The following UBE4B variants were observed in gnomAD, a reference collection of about 807,000 sequenced individuals.
The protein encoded by UBE4B is ubiquitin conjugation factor E4 B.
Under a neutral mutation model 148.1 loss-of-function variants are expected in UBE4B, and 27 were observed. That is an observed-to-expected ratio of 0.18 (90% CI 0.13 to 0.25). The LOEUF is 0.25. Among genes scored for constraint, UBE4B ranks in the 10% least tolerant of loss-of-function variants. The pLI is 1.00. For synonymous variants in UBE4B, 596 were observed against 619.3 expected (o/e 0.96, Z 0.56); for missense variants, 1,170 against 1,662.4 (o/e 0.70, Z 5.15).
At chr1:10,122,810 A>C (rs1022394260) in intron 10 of UBE4B, among the ~76,000 whole-genome samples, 2 of 152,156 alleles carry the variant, frequency 1.3e-5, no homozygotes, top group African/African-American at 4.8e-5. Flanking sequence ...CTGTATCATC[A>C]CTTCCTTTTT....
chr1:10,099,082 T>C (rs1389816509), intron 3 of UBE4B, among the ~76,000 whole-genome samples: 2 of 151,680 alleles, frequency 1.3e-5, no homozygotes, highest in East Asian at 3.9e-4. Flanking sequence ...CCACTAAAAA[T>C]ACAAAAAAAA....
chr1:10,136,631 A>T (rs1280933030), intron 16 of UBE4B, among the ~76,000 whole-genome samples: 1 of 152,068 alleles, frequency 6.6e-6, no homozygotes, highest in Non-Finnish European at 1.5e-5. Flanking sequence ...AGTATCCTTA[A>T]ACTTCTGGCG....
At chr1:10,105,788 CTG>C (rs1269909655) in intron 6 of UBE4B, 44 bp downstream of exon 6, 8 of 1,563,672 alleles carry the variant, frequency 5.1e-6, no homozygotes, top group African/African-American at 4.1e-5. Context: ...AGTAAAATAA[CTG>C]TGAACTACGT....
chr1:10,106,543 G>A lies in UBE4B; in HGVS notation c.1156G>A (p.Ala386Thr). 7 of 1,594,224 alleles carry A rather than the reference G, an allele frequency of 4.4e-6. No homozygotes were observed. The highest frequency in any genetic ancestry group is 6.0e-6 in the Non-Finnish European group (7 of 1,173,906). ...GPPLPPASPS[A>T]TSRRPSSLRI... is the part of the protein sequence containing the mutation. ...ACCCCTACCACCCGCCTCACCCAGT[G>A]CCACGAGCAGACGCCCCTCCTCCCT... The change falls in exon 7 of 28, where the codon GCC (alanine) becomes ACC (threonine). Residue 386 changes from alanine to threonine, a missense_variant. Physicochemically the swap from Ala to Thr is moderately conservative, Grantham distance 58. Around this residue, in one of 6 missense-constraint regions of UBE4B, gnomAD observed 214 missense variants for 209.1 expected, o/e 1.02. Transcript: ENST00000343090. The surrounding 1 kb of genome is among the most constrained non-coding windows in gnomAD (Gnocchi z 4.2).
chr1:10,117,152 G>T (rs1434216844), intron 7 of UBE4B, among the ~76,000 whole-genome samples: 1 of 152,132 alleles, frequency 6.6e-6, no homozygotes, highest in Non-Finnish European at 1.5e-5. Flanking sequence ...ATTCTTTTTG[G>T]TTAAAGTACC....
chr1:10,133,479 TA>T (rs1645629581), intron 15 of UBE4B, among the ~76,000 whole-genome samples: 1 of 152,214 alleles, frequency 6.6e-6, no homozygotes, highest in South Asian at 2.1e-4. Context: ...GTTGTATTAT[TA>T]TTTTTTTCTT....
intron 14 of UBE4B, among the ~76,000 whole-genome samples, chr1:10,131,726 G>T (rs1205232890): frequency 6.6e-6 from 1 of 152,098 alleles, no homozygotes; most frequent in Non-Finnish European, 1.5e-5. Context: ...GCCAAGGCAG[G>T]TGGATCACGA....
At chr1:10,052,303 C>A (rs1220895009) in intron 1 of UBE4B, among the ~76,000 whole-genome samples, 3 of 151,996 alleles carry the variant, frequency 2.0e-5, no homozygotes, top group Non-Finnish European at 4.4e-5. Flanking sequence ...AACTCCTGGG[C>A]TCAAATGATC....
chr1:10,176,467 A>C (rs1460932802), intron 25 of UBE4B, among the ~76,000 whole-genome samples: 1 of 152,194 alleles, frequency 6.6e-6, no homozygotes, highest in Non-Finnish European at 1.5e-5. Context: ...GGCAATGTAT[A>C]AGGTTTAAGT....
At chr1:10,148,168 G>A (rs1487287239) in intron 19 of UBE4B, among the ~76,000 whole-genome samples, 5 of 151,112 alleles carry the variant, frequency 3.3e-5, no homozygotes, top group African/African-American at 1.2e-4. Flanking sequence ...CGGAGCTTCC[G>A]GTGAGCGGAG....
At chr1:10,156,105 A>C (rs1193427886) in intron 21 of UBE4B, among the ~76,000 whole-genome samples, 1 of 151,600 alleles carries the variant, frequency 6.6e-6, no homozygotes, top group Non-Finnish European at 1.5e-5. Flanking sequence ...AGTCTAGTCC[A>C]CCTACGGCCT....
rs1308969905 is a variant in UBE4B at position 10,126,705 on chromosome 1, G to T, written c.1555-89G>T. 10 of 1,120,294 alleles carry T rather than the reference G, an allele frequency of 8.9e-6. No individual in the cohort carries two copies. In the African/African-American group the frequency reaches 1.1e-4, roughly 13 times the overall value. 69.4% of individuals were successfully genotyped at this position (1,120,294 alleles called of 1,614,324 possible). A position where few individuals can be genotyped will look rare whatever the true frequency, so the allele number is the denominator to read the frequency against. ...TTCCCTGGGGAAGGAATGAAATTTGGACATTCAGTTCTAGCACCTTATTTG... is the reference window on the plus strand; with the variant it reads ...TTCCCTGGGGAAGGAATGAAATTTGTACATTCAGTTCTAGCACCTTATTTG... On this transcript the variant is annotated intron_variant, in intron 10 of 27. Coordinates refer to ENST00000343090, the MANE Select transcript of UBE4B (RefSeq NM_001105562.3).
At chr1:10,164,283 G>A (rs1336025061) in intron 23 of UBE4B, among the ~76,000 whole-genome samples, 1 of 152,102 alleles carries the variant, frequency 6.6e-6, no homozygotes. Context: ...AGAGGTTGCA[G>A]TGAGCTGATA....
chr1:10,175,878 T>C (rs918602196), intron 25 of UBE4B, among the ~76,000 whole-genome samples: 13 of 152,152 alleles, frequency 8.5e-5, no homozygotes, highest in African/African-American at 3.1e-4. Context: ...TTTAAAAGTG[T>C]ACCATTTTGT....
intron 1 of UBE4B, among the ~76,000 whole-genome samples, chr1:10,045,511 G>C (rs930659583): frequency 3.9e-5 from 6 of 152,074 alleles, no homozygotes; most frequent in African/African-American, 1.4e-4. Flanking sequence ...TGTTTCTCTT[G>C]GTGGTGAAAA....
chr1:10,035,481 C>CT (rs1269067129), intron 1 of UBE4B, among the ~76,000 whole-genome samples: 4 of 131,108 alleles, frequency 3.1e-5, no homozygotes, highest in Non-Finnish European at 4.7e-5. Flanking sequence ...ACTGCAAGCT[C>CT]TGCCTCCCGG....
chr1:10,174,402 A>AT (rs1646384900), intron 25 of UBE4B, among the ~76,000 whole-genome samples: 2 of 151,040 alleles, frequency 1.3e-5, no homozygotes, highest in Admixed American at 6.6e-5. Context: ...CAAAAAAAAA[A>AT]AAAAGAAGAA....
At chr1:10,175,428 G>A (rs893611298) in intron 25 of UBE4B, among the ~76,000 whole-genome samples, 2 of 151,860 alleles carry the variant, frequency 1.3e-5, no homozygotes, top group African/African-American at 2.4e-5. Context: ...AAGGCGGGCG[G>A]ATCACAAGGT....
At chr1:10,122,178 A>G (rs1483121795) in intron 10 of UBE4B, 102 bp downstream of exon 10, 4 of 704,516 alleles carry the variant, frequency 5.7e-6, no homozygotes, top group Non-Finnish European at 9.6e-6. Flanking sequence ...TCGAACATCC[A>G]TGTGTTATTA....
Sources: gnomAD v4.1 joint callset for allele counts (sites outside exome capture counted in the v4.1 genomes callset) on GRCh38, gnomAD v4.1.1 for gene constraint, gnomAD v4.1.1 regional missense constraint, Gnocchi (gnomAD v3.1) non-coding constraint, MANE v1.5 for transcripts, NCBI Gene and HGNC (gene_info 2026-07-23, HGNC 2026-07-21) for gene names.